The following HBP1 variants were observed in gnomAD, a reference collection of about 807,000 sequenced individuals.
HBP1 encodes HMG box-containing protein 1.
HBP1 carries 20 observed loss-of-function variants against 62.6 expected under a neutral mutation model. That is an observed-to-expected ratio of 0.32 (90% confidence interval 0.22 to 0.46). The LOEUF (loss-of-function observed/expected upper bound fraction) is 0.46, where lower values mean the gene tolerates loss of function less well. HBP1 is among the 20% of genes least tolerant of loss of function. The pLI, the probability that HBP1 is intolerant of heterozygous loss-of-function variation, is 1.00. For synonymous variants in HBP1, 232 were observed against 206.2 expected (o/e 1.12, Z -1.07); for missense variants, 480 against 611.8 (o/e 0.78, Z 2.27).
chr7:107,183,448 A>G (rs1438950293), intron 3 of HBP1, among the ~76,000 whole-genome samples: 1 of 152,214 alleles, frequency 6.6e-6, no homozygotes, highest in Admixed American at 6.5e-5. Flanking sequence ...ATTTAGCAGG[A>G]TATTGATCTT....
At chr7:107,188,934 C>T (rs1163011364) in intron 6 of HBP1, among the ~76,000 whole-genome samples, 1 of 152,322 alleles carries the variant, frequency 6.6e-6, no homozygotes, top group East Asian at 1.9e-4. Context: ...ATACTCAGCA[C>T]TCCCCAAAGT....
intron 1 of HBP1, among the ~76,000 whole-genome samples, chr7:107,176,272 C>T (rs773024678): frequency 1.2e-4 from 18 of 152,056 alleles, no homozygotes; most frequent in Non-Finnish European, 8.8e-5. Flanking sequence ...GATCCGCCCT[C>T]CTCGGCTTCC....
chr7:107,174,569 G>GA (rs1196754399), intron 1 of HBP1: 1 of 985,252 alleles, frequency 1.0e-6, no homozygotes, highest in Non-Finnish European at 1.2e-6. Context: ...CTGTAGGGAA[G>GA]AAAAAAGTTC....
At chr7:107,199,188 C>T (rs1390700461) in intron 9 of HBP1, among the ~76,000 whole-genome samples, 2 of 152,112 alleles carry the variant, frequency 1.3e-5, no homozygotes, top group South Asian at 2.1e-4. Context: ...CGGGTTCAGG[C>T]GATTCTAGTG....
chr7:107,183,108 A>G (rs766069520), intron 3 of HBP1, among the ~76,000 whole-genome samples: 1 of 152,198 alleles, frequency 6.6e-6, no homozygotes, highest in Non-Finnish European at 1.5e-5. Context: ...TGTTTCATAT[A>G]TCCAGACAGA....
chr7:107,188,805 A>G (rs973901436), intron 6 of HBP1, among the ~76,000 whole-genome samples: 5 of 152,150 alleles, frequency 3.3e-5, no homozygotes, highest in Non-Finnish European at 7.4e-5. Flanking sequence ...TTGATTTCCC[A>G]ATACCTTCTA....
In HBP1 at chr7:107,171,073, A is replaced by ATATATAT; in HGVS notation, c.-16+1889_-16+1890insATATATT. Among the ~76,000 whole-genome samples the ATATATAT allele has an allele frequency of 8.4e-4, 73 of 87,196 alleles. 7 individuals are homozygous for ATATATAT. Among genetic ancestry groups the ATATATAT allele is most frequent in the African/African-American group, 4.2e-3 (63 of 15,120 alleles). The allele number at this position is 87,196 out of a possible 152,430, so 57.2% of individuals were successfully genotyped here. A position where few individuals can be genotyped will look rare whatever the true frequency, so the allele number is the denominator to read the frequency against. Reference sequence around the variant, plus strand: ...TATATATATATATATATATATATATATTTTTTTTTTTTTTTGAGAGGGAGT... The same window carrying ATATATAT: ...TATATATATATATATATATATATATATATATATTTTTTTTTTTTTTTTGAGAGGGAGT... On this transcript the variant is annotated intron_variant, in intron 1 of 10. Transcript: ENST00000222574.
chr7:107,169,307 G>C, intron 1 of HBP1, 122 bp downstream of exon 1: 1 of 441,000 alleles, frequency 2.3e-6, no homozygotes, highest in Non-Finnish European at 3.3e-6. Context: ...TTGCCCTTGG[G>C]GTGGGGGCAG....
rs540951953 is a variant in HBP1 at position 107,185,409 on chromosome 7, C to A, written c.399-392C>A. The stretch of plus-strand genomic sequence containing the variant: ...TGGTTACACTAAGCTTAAATGCTGT[C>A]TTCATACTGAGACTTACTGAGTACA... On this transcript the variant is annotated intron_variant, in intron 3 of 10. Transcript: ENST00000222574. Among the ~76,000 whole-genome samples, 5 of 152,236 alleles carry A rather than the reference C, an allele frequency of 3.3e-5. No homozygotes were observed. In the East Asian group the frequency reaches 7.7e-4, roughly 23 times the overall value.
chr7:107,190,119 A>G, intron 7 of HBP1, 54 bp from the exon 8 acceptor site: 1 of 1,393,324 alleles, frequency 7.2e-7, no homozygotes, highest in Non-Finnish European at 9.8e-7. Context: ...TCTGTTCTAA[A>G]GTAGGGTGCT....
At chr7:107,193,457 T>C (rs1011996809) in intron 8 of HBP1, among the ~76,000 whole-genome samples, 6 of 152,170 alleles carry the variant, frequency 3.9e-5, no homozygotes, top group Non-Finnish European at 1.5e-5. Context: ...ATACTCCTAA[T>C]GGCAAAATAC....
At chr7:107,169,673 G>T in intron 1 of HBP1, 1 of 895,702 alleles carries the variant, frequency 1.1e-6, no homozygotes, top group Non-Finnish European at 1.3e-6. Flanking sequence ...TTCTGGCTGA[G>T]CTGAGGAGCT....
chr7:107,171,562 A>G (rs1007025161), intron 1 of HBP1, among the ~76,000 whole-genome samples: 3 of 151,998 alleles, frequency 2.0e-5, no homozygotes, highest in Admixed American at 6.6e-5. Flanking sequence ...CCACGCATAC[A>G]TTATCCATTA....
At chr7:107,182,760 C>T (rs1797170779) in intron 3 of HBP1, among the ~76,000 whole-genome samples, 159 bp downstream of exon 3, 1 of 152,094 alleles carries the variant, frequency 6.6e-6, no homozygotes, top group African/African-American at 2.4e-5. Flanking sequence ...TTATTTCACT[C>T]ACTACCATGA....
At chr7:107,169,805 A>C (rs779510543) in intron 1 of HBP1, 2 of 979,748 alleles carry the variant, frequency 2.0e-6, no homozygotes, top group African/African-American at 3.6e-5. Flanking sequence ...CTGCGGTCAC[A>C]TGATGGGGGG....
rs1169499505 is a variant in HBP1 at position 107,179,880 on chromosome 7, C to T, written c.-14C>T. ...TCTTAATGTCGTTTTTATTTTAAGTCAGAGCACCATAACATGGTGTGGGAA... is the reference window on the plus strand; with the variant it reads ...TCTTAATGTCGTTTTTATTTTAAGTTAGAGCACCATAACATGGTGTGGGAA... On this transcript the variant is annotated splice_region_variant and 5_prime_UTR_variant, in exon 2 of 11. Transcript: ENST00000222574. 1 of 1,518,282 alleles carries T rather than the reference C, an allele frequency of 6.6e-7. No individual in the cohort carries two copies. The highest frequency in any genetic ancestry group is 9.0e-7 in the Non-Finnish European group (1 of 1,112,388). 94.1% of individuals were successfully genotyped at this position (1,518,282 alleles called of 1,614,324 possible). A position where few individuals can be genotyped will look rare whatever the true frequency, so the allele number is the denominator to read the frequency against.
intron 4 of HBP1, among the ~76,000 whole-genome samples, chr7:107,186,147 CTTTTT>C (rs961142033): frequency 4.4e-5 from 6 of 135,116 alleles, no homozygotes; most frequent in African/African-American, 1.7e-4. Context: ...TTGTGTGTGT[CTTTTT>C]TTTCTTTTTT....
At chr7:107,171,674 G>A (rs1024912048) in intron 1 of HBP1, among the ~76,000 whole-genome samples, 1 of 151,732 alleles carries the variant, frequency 6.6e-6, no homozygotes, top group African/African-American at 2.4e-5. Context: ...GACCAGCCTC[G>A]CCAACGTCGT....
chr7:107,182,347 A>G, intron 2 of HBP1, 26 bp from the exon 3 acceptor site: 1 of 1,295,552 alleles, frequency 7.7e-7, no homozygotes, highest in Non-Finnish European at 1.1e-6. Context: ...TTTCCTTTTT[A>G]TGATTTTGAG....
Sources: gnomAD v4.1 joint callset for allele counts (sites outside exome capture counted in the v4.1 genomes callset) on GRCh38, gnomAD v4.1.1 for gene constraint, MANE v1.5 for transcripts, NCBI Gene and HGNC (gene_info 2026-07-23, HGNC 2026-07-21) for gene names.